NKAIN2: variants seen among roughly 807,000 people sequenced by gnomAD.
The protein encoded by NKAIN2 is sodium/potassium transporting ATPase interacting 2.
In NKAIN2, 14 loss-of-function variants were observed where a neutral mutation model predicts 32.6. The ratio of observed to expected loss-of-function variants is 0.43; its 90% CI spans 0.28 to 0.67. NKAIN2 has a LOEUF of 0.67. Among genes scored for constraint, NKAIN2 ranks in the 30% least tolerant of loss-of-function variants. The pLI, the probability that NKAIN2 is intolerant of heterozygous loss-of-function variation, is 0.17. For missense variants in NKAIN2, 198 were observed against 258.3 expected, an observed-to-expected ratio of 0.77 and a Z score of 1.60; for synonymous variants, 80 against 87.2, an observed-to-expected ratio of 0.92 and a Z score of 0.46.
At chr6:124,190,154 T>C (rs572463195) in intron 1 of NKAIN2, among the ~76,000 whole-genome samples, 5 of 152,342 alleles carry the variant, frequency 3.3e-5, no homozygotes, top group African/African-American at 1.2e-4. Context: ...CCTGTCTTCA[T>C]AGAGGCCACC....
intron 1 of NKAIN2, among the ~76,000 whole-genome samples, chr6:124,120,227 C>T (rs1785813046): frequency 6.6e-6 from 1 of 152,244 alleles, no homozygotes; most frequent in African/African-American, 2.4e-5. Context: ...GTCATGACCA[C>T]TTAACTACTG....
At chr6:124,315,886 A>T (rs553930860) in intron 2 of NKAIN2, among the ~76,000 whole-genome samples, 3 of 152,250 alleles carry the variant, frequency 2.0e-5, no homozygotes, top group Non-Finnish European at 4.4e-5. Context: ...AAATAAAAAC[A>T]TTTTTAGAAA....
chr6:124,067,346 T>C (rs1783239722), intron 1 of NKAIN2, among the ~76,000 whole-genome samples: 1 of 152,198 alleles, frequency 6.6e-6, no homozygotes, highest in African/African-American at 2.4e-5. Context: ...CCTACGTCTG[T>C]CTATATTTAT....
intron 3 of NKAIN2, among the ~76,000 whole-genome samples, chr6:124,564,373 C>T (rs1282802648): frequency 2.0e-5 from 3 of 152,088 alleles, no homozygotes; most frequent in Non-Finnish European, 4.4e-5. Context: ...CCAATCAGCA[C>T]TCTATAAAAT....
chr6:124,629,555 C>A (rs186990763), intron 3 of NKAIN2, among the ~76,000 whole-genome samples: 1 of 152,188 alleles, frequency 6.6e-6, no homozygotes, highest in Non-Finnish European at 1.5e-5. Flanking sequence ...TGTCTCTTTA[C>A]GTTGAGGAAG....
chr6:124,453,355 A>ACGCACG (rs1554210270), intron 3 of NKAIN2, among the ~76,000 whole-genome samples: 7 of 136,676 alleles, frequency 5.1e-5, no homozygotes, highest in Non-Finnish European at 1.1e-4. Context: ...ACACACACAC[A>ACGCACG]CACACACACA....
At chr6:124,700,806 G>A (rs1774741671) in intron 4 of NKAIN2, among the ~76,000 whole-genome samples, 2 of 151,610 alleles carry the variant, frequency 1.3e-5, no homozygotes, top group Admixed American at 1.3e-4. Flanking sequence ...AGATTAGGGT[G>A]CTTTCCTTAA....
chr6:124,331,515 C>T lies in NKAIN2; in HGVS notation c.193-23752C>T, dbSNP rs541725074. On this transcript the variant is annotated intron_variant, in intron 2 of 6. Coordinates refer to ENST00000368417, the MANE Select transcript of NKAIN2 (RefSeq NM_001040214.3). ...CTGCACTCCAGCCTGGGTGACAGAG[C>T]GAGACTCCGTCTCAAAAAAAAAAAA... is the stretch of plus-strand genomic sequence containing the variant. Among the ~76,000 whole-genome samples, 4 of 136,284 alleles carry T rather than the reference C, an allele frequency of 2.9e-5. No homozygotes were observed. The South Asian group carries it at 6.9e-4, about 23-fold the overall frequency. 89.4% of individuals were successfully genotyped at this position (136,284 alleles called of 152,430 possible).
At chr6:124,502,754 T>A (rs1181305296) in intron 3 of NKAIN2, among the ~76,000 whole-genome samples, 1 of 152,222 alleles carries the variant, frequency 6.6e-6, no homozygotes, top group African/African-American at 2.4e-5. Context: ...TCATTTGAAA[T>A]GTTCCCAGAA....
chr6:124,441,492 G>A (rs1445222189), intron 3 of NKAIN2, among the ~76,000 whole-genome samples: 3 of 151,986 alleles, frequency 2.0e-5, no homozygotes, highest in East Asian at 1.9e-4. Context: ...TCCAGTTCTC[G>A]CCTGGCTCTA....
chr6:124,447,600 T>C (rs141900573), intron 3 of NKAIN2, among the ~76,000 whole-genome samples: 5 of 152,270 alleles, frequency 3.3e-5, no homozygotes, highest in African/African-American at 1.2e-4. Context: ...TAAAATACAG[T>C]GATTGAACGG....
At chr6:124,302,163 G>T (rs1796316678) in intron 2 of NKAIN2, among the ~76,000 whole-genome samples, 1 of 152,188 alleles carries the variant, frequency 6.6e-6, no homozygotes, top group Admixed American at 6.5e-5. Flanking sequence ...CCCTGCACAA[G>T]CTCTCTTGCC....
intron 1 of NKAIN2, among the ~76,000 whole-genome samples, chr6:123,888,888 G>A (rs924063153): frequency 6.6e-5 from 10 of 152,088 alleles, no homozygotes; most frequent in Admixed American, 1.3e-4. Flanking sequence ...CAACTGCACC[G>A]TCATGCAGGC....
At chr6:124,140,013 T>C (rs1410465489) in intron 1 of NKAIN2, among the ~76,000 whole-genome samples, 1 of 152,176 alleles carries the variant, frequency 6.6e-6, no homozygotes, top group Non-Finnish European at 1.5e-5. Context: ...TGGGAAAATA[T>C]CAGCTGTGAG....
chr6:124,564,944 T>C (rs1780849598), intron 3 of NKAIN2, among the ~76,000 whole-genome samples: 1 of 152,230 alleles, frequency 6.6e-6, no homozygotes, highest in Non-Finnish European at 1.5e-5. Flanking sequence ...CATTTTTTTT[T>C]CAGGCTTTTA....
At chr6:124,722,193 C>T (rs1459045950) in intron 4 of NKAIN2, among the ~76,000 whole-genome samples, 1 of 152,150 alleles carries the variant, frequency 6.6e-6, no homozygotes, top group African/African-American at 2.4e-5. Flanking sequence ...CATTGTATAA[C>T]AGAAATTCTT....
At chr6:124,437,872 A>ATT (rs374033234) in intron 3 of NKAIN2, 21,727 of 341,030 alleles carry the variant, frequency 0.064, 155 homozygotes, top group South Asian at 0.084. Flanking sequence ...TGATCTATTG[A>ATT]TTTTTTTTTT....
intron 1 of NKAIN2, among the ~76,000 whole-genome samples, chr6:124,002,253 C>T (rs747560878): frequency 4.6e-5 from 7 of 151,990 alleles, no homozygotes; most frequent in Non-Finnish European, 7.4e-5. Context: ...CAGACATTCT[C>T]AGATAATACG....
chr6:124,146,557 A>T (rs931781688), intron 1 of NKAIN2, among the ~76,000 whole-genome samples: 1 of 152,204 alleles, frequency 6.6e-6, no homozygotes, highest in African/African-American at 2.4e-5. Flanking sequence ...ACACCTGGTT[A>T]TAGAAGGATA....
Sources: allele counts gnomAD v4.1 joint callset (sites outside exome capture counted in the v4.1 genomes callset), GRCh38; gene constraint gnomAD v4.1.1; transcripts MANE v1.5; gene names NCBI Gene and HGNC (gene_info 2026-07-23, HGNC 2026-07-21).